The following ZDHHC14 variants were observed in gnomAD, a reference collection of about 807,000 sequenced individuals.
ZDHHC14 encodes palmitoyltransferase ZDHHC14.
A neutral mutation model predicts 47.7 loss-of-function variants in ZDHHC14; 16 were observed. The observed-to-expected ratio is 0.34, with a 90% confidence interval of 0.23 to 0.51. The LOEUF is 0.51. Among genes scored for constraint, ZDHHC14 ranks in the 20% least tolerant of loss-of-function variants. The pLI is 0.97. For synonymous variants in ZDHHC14, 293 were observed against 278.9 expected, an observed-to-expected ratio of 1.05 and a Z score of -0.50; for missense variants, 515 against 662.5, an observed-to-expected ratio of 0.78 and a Z score of 2.44.
At chr6:157,635,245 G>A (rs1372051881) in intron 5 of ZDHHC14, among the ~76,000 whole-genome samples, 6 of 152,036 alleles carry the variant, frequency 3.9e-5, no homozygotes, top group Admixed American at 2.6e-4. Context: ...TGCCTGCCTC[G>A]GCCTCCCAAA....
chr6:157,399,439 T>G (rs1385167658), intron 1 of ZDHHC14, among the ~76,000 whole-genome samples: 4 of 152,226 alleles, frequency 2.6e-5, no homozygotes, highest in African/African-American at 9.7e-5. Flanking sequence ...TCTGTAGTTG[T>G]GTATATATGC....
At chr6:157,609,374 G>A (rs896834882) in intron 3 of ZDHHC14, among the ~76,000 whole-genome samples, 1 of 152,194 alleles carries the variant, frequency 6.6e-6, no homozygotes, top group Non-Finnish European at 1.5e-5. Flanking sequence ...AGAAGTCCAC[G>A]GCTGGCCCTG....
intron 7 of ZDHHC14, among the ~76,000 whole-genome samples, chr6:157,652,393 A>G (rs1207074842): frequency 1.3e-5 from 2 of 152,146 alleles, no homozygotes; most frequent in East Asian, 3.9e-4. Context: ...AGTTTGCAAA[A>G]TGCAGAGCAC....
chr6:157,627,292 G>C (rs1439807137), intron 3 of ZDHHC14, among the ~76,000 whole-genome samples: 3 of 152,080 alleles, frequency 2.0e-5, no homozygotes, highest in Admixed American at 6.6e-5. Flanking sequence ...ATATTTTCAA[G>C]CACATAGAGA....
intron 1 of ZDHHC14, among the ~76,000 whole-genome samples, chr6:157,487,906 G>A (rs1779822332): frequency 1.3e-5 from 2 of 152,106 alleles, no homozygotes; most frequent in Non-Finnish European, 2.9e-5. Context: ...GGTCTCAGAG[G>A]CTCTCACAGG....
At chr6:157,405,454 G>C (rs562681805) in intron 1 of ZDHHC14, among the ~76,000 whole-genome samples, 2 of 152,012 alleles carry the variant, frequency 1.3e-5, no homozygotes, top group Non-Finnish European at 2.9e-5. Context: ...GGATGGTCTC[G>C]ATCTCCTGAC....
intron 1 of ZDHHC14, among the ~76,000 whole-genome samples, chr6:157,495,162 A>G (rs1411347354): frequency 6.6e-6 from 1 of 152,100 alleles, no homozygotes; most frequent in African/African-American, 2.4e-5. Context: ...CAAAGCTTCC[A>G]TCTGTAGATT....
At chr6:157,392,311 C>G (rs1248410402) in intron 1 of ZDHHC14, among the ~76,000 whole-genome samples, 1 of 152,158 alleles carries the variant, frequency 6.6e-6, no homozygotes, top group Non-Finnish European at 1.5e-5. Flanking sequence ...AGATCTTCAT[C>G]TCCTAGCTTA....
At position 157,473,474 on chromosome 6, in the gene ZDHHC14, G is replaced by A. The variant is rs562145928; in HGVS notation, c.246-69111G>A. Among the ~76,000 whole-genome samples the A allele has an allele frequency of 2.0e-4, 30 of 152,262 alleles. No homozygotes were observed. In the East Asian group the frequency reaches 2.1e-3, roughly 11 times the overall value. On this transcript the variant is annotated intron_variant, in intron 1 of 8. Transcript: ENST00000359775. ...AATGTCCTCCAGATTCACCTGTGTC[G>A]TTGCAAATAATGGGATTTTCTACTT... is the stretch of plus-strand genomic sequence containing the variant.
intron 1 of ZDHHC14, among the ~76,000 whole-genome samples, chr6:157,516,472 T>A (rs1285130158): frequency 6.6e-6 from 1 of 152,208 alleles, no homozygotes; most frequent in Non-Finnish European, 1.5e-5. Flanking sequence ...ATGATGTCAT[T>A]TGTGGACCTG....
At chr6:157,444,320 C>T (rs546737261) in intron 1 of ZDHHC14, among the ~76,000 whole-genome samples, 9 of 152,252 alleles carry the variant, frequency 5.9e-5, no homozygotes, top group East Asian at 5.8e-4. Context: ...GCGGACACCA[C>T]GGAATACACA....
chr6:157,551,167 G>A (rs1007569860), intron 2 of ZDHHC14, among the ~76,000 whole-genome samples: 1 of 152,220 alleles, frequency 6.6e-6, no homozygotes, highest in African/African-American at 2.4e-5. Context: ...ATCAAGAGAG[G>A]TGATGACTTG....
intron 2 of ZDHHC14, among the ~76,000 whole-genome samples, chr6:157,548,510 G>A (rs1301688704): frequency 2.6e-5 from 4 of 152,146 alleles, no homozygotes; most frequent in Admixed American, 2.0e-4. Flanking sequence ...GCAATGGCGC[G>A]ATCTCAGCTC....
intron 1 of ZDHHC14, among the ~76,000 whole-genome samples, chr6:157,452,869 A>G: frequency 6.6e-6 from 1 of 151,526 alleles, no homozygotes; most frequent in Admixed American, 6.6e-5. Flanking sequence ...CACCCGGCTA[A>G]TTTTTTTGTA....
chr6:157,608,256 T>C (rs1052655238), intron 3 of ZDHHC14, among the ~76,000 whole-genome samples: 60 of 151,828 alleles, frequency 4.0e-4, no homozygotes, highest in Admixed American at 2.6e-4. Flanking sequence ...TTCAGAAATA[T>C]CCACTGACGG....
chr6:157,537,116 C>T lies in ZDHHC14; in HGVS notation c.246-5469C>T, dbSNP rs1377755826. Among the ~76,000 whole-genome samples the T allele has an allele frequency of 1.3e-5, 2 of 152,044 alleles. 1 individual carries two copies. Among genetic ancestry groups the T allele is most frequent in the African/African-American group, 4.8e-5 (2 of 41,394 alleles). The stretch of plus-strand genomic sequence containing the variant: ...TACAGGCGTGAGCCACCGCGCCCGG[C>T]TCCATCTATCTTTTTAATGACCAAT... On this transcript the variant is annotated intron_variant, in intron 1 of 8. Coordinates refer to ENST00000359775, the MANE Select transcript of ZDHHC14 (RefSeq NM_024630.3).
At chr6:157,459,673 T>C (rs1157150275) in intron 1 of ZDHHC14, among the ~76,000 whole-genome samples, 1 of 152,080 alleles carries the variant, frequency 6.6e-6, no homozygotes, top group Non-Finnish European at 1.5e-5. Flanking sequence ...TGGGGTGGCC[T>C]GTGCGCCCCA....
In ZDHHC14 at chr6:157,555,461, G is replaced by A. The variant is rs113583447; in HGVS notation, c.406+12716G>A. On this transcript the variant is annotated intron_variant, in intron 2 of 8. Transcript: ENST00000359775. Reference sequence around the variant, plus strand: ...GAACACAGACTTTTCAAACATTTACGTGGCTATTTTTTATCGTAGGATATC... The same window carrying A: ...GAACACAGACTTTTCAAACATTTACATGGCTATTTTTTATCGTAGGATATC... Among the ~76,000 whole-genome samples, 638 of 152,258 alleles carry A rather than the reference G, an allele frequency of 4.2e-3. 4 individuals carry two copies. Among genetic ancestry groups the A allele is most frequent in the African/African-American group, 0.015 (610 of 41,552 alleles).
chr6:157,413,691 T>A (rs548378388), intron 1 of ZDHHC14, among the ~76,000 whole-genome samples: 4 of 152,130 alleles, frequency 2.6e-5, no homozygotes, highest in Admixed American at 2.6e-4. Context: ...TTCTAAAATG[T>A]CTTTTTTCCG....
Sources: gnomAD v4.1 joint callset for allele counts (sites outside exome capture counted in the v4.1 genomes callset) on GRCh38, gnomAD v4.1.1 for gene constraint, MANE v1.5 for transcripts, NCBI Gene and HGNC (gene_info 2026-07-23, HGNC 2026-07-21) for gene names.